The following LMO7 variants were observed in gnomAD, a reference collection of about 807,000 sequenced individuals.
LMO7 encodes LIM domain only protein 7.
LMO7 carries 120 observed loss-of-function variants against 206.5 expected under a neutral mutation model. The ratio of observed to expected loss-of-function variants is 0.58; its 90% CI spans 0.50 to 0.68. The LOEUF is 0.68. LMO7 is among the 30% of genes least tolerant of loss of function. The probability of loss-of-function intolerance (pLI) is 0.00; values close to 1 mark genes in which losing one functional copy is unlikely to be tolerated. For missense variants in LMO7, 1,959 were observed against 1,957.9 expected (o/e 1.00, Z -0.01); for synonymous variants, 706 against 681.5 (o/e 1.04, Z -0.56).
chr13:75,851,200 T>C (rs1480548099), intron 27 of LMO7, among the ~76,000 whole-genome samples: 8 of 152,220 alleles, frequency 5.3e-5, no homozygotes, highest in Admixed American at 5.2e-4. Context: ...TGGAGGCCAC[T>C]GAAGTACAGT....
At chr13:75,648,962 C>G (rs560908743) in intron 1 of LMO7, among the ~76,000 whole-genome samples, 3 of 152,110 alleles carry the variant, frequency 2.0e-5, no homozygotes, top group Admixed American at 1.3e-4. Flanking sequence ...ATGGGAAAAG[C>G]ATTTGGGAAC....
At chr13:75,669,280 C>T (rs1172864164) in intron 1 of LMO7, among the ~76,000 whole-genome samples, 1 of 152,116 alleles carries the variant, frequency 6.6e-6, no homozygotes, top group Non-Finnish European at 1.5e-5. Flanking sequence ...GGGGAGAAGT[C>T]TCATAGCATT....
At chr13:75,735,794 T>G (rs1025294558) in intron 3 of LMO7, among the ~76,000 whole-genome samples, 2 of 152,056 alleles carry the variant, frequency 1.3e-5, no homozygotes, top group South Asian at 4.1e-4. Flanking sequence ...TTCAGTTTAA[T>G]AAAACAAATA....
chr13:75,681,712 ATAT>A (rs2040507997), intron 1 of LMO7, among the ~76,000 whole-genome samples: 1 of 110,146 alleles, frequency 9.1e-6, no homozygotes, highest in Non-Finnish European at 2.0e-5. Flanking sequence ...ATGTGTATAT[ATAT>A]ATGTATATAT....
At chr13:75,835,673 A>G (rs1035890892) in intron 18 of LMO7, among the ~76,000 whole-genome samples, 4 of 152,158 alleles carry the variant, frequency 2.6e-5, no homozygotes, top group African/African-American at 7.2e-5. Flanking sequence ...ATTATAAACT[A>G]TAACTTCTTT....
chr13:75,795,329 G>A (rs1566475857), intron 4 of LMO7, 72 bp from the exon 5 acceptor site: 2 of 1,023,754 alleles, frequency 2.0e-6, no homozygotes, highest in Non-Finnish European at 2.9e-6. Flanking sequence ...ATAAAAATGA[G>A]TTTTTTTCTA....
intron 6 of LMO7, among the ~76,000 whole-genome samples, chr13:75,797,566 G>T (rs148303773): frequency 1.3e-5 from 2 of 152,286 alleles, no homozygotes; most frequent in African/African-American, 4.8e-5. Context: ...TTCTCTAATG[G>T]TTAAATGATA....
chr13:75,662,879 G>A (rs897783107), intron 1 of LMO7, among the ~76,000 whole-genome samples: 3 of 152,152 alleles, frequency 2.0e-5, no homozygotes, highest in African/African-American at 7.2e-5. Context: ...CATGTTGGTG[G>A]TTTAGGTCTT....
chr13:75,704,061 G>A (rs2042478718), intron 1 of LMO7, among the ~76,000 whole-genome samples: 3 of 152,132 alleles, frequency 2.0e-5, no homozygotes, highest in South Asian at 4.1e-4. Context: ...TATAATGGTT[G>A]TTTCGACAAT....
intron 3 of LMO7, among the ~76,000 whole-genome samples, chr13:75,727,958 T>C (rs892279753): frequency 6.6e-6 from 1 of 152,092 alleles, no homozygotes; most frequent in Non-Finnish European, 1.5e-5. Context: ...CATGAACGCA[T>C]CATTTTTTAT....
chr13:75,742,486 A>G (rs1300952815), intron 3 of LMO7, among the ~76,000 whole-genome samples: 5 of 152,210 alleles, frequency 3.3e-5, no homozygotes, highest in African/African-American at 9.6e-5. Flanking sequence ...CTACAGGGCT[A>G]TGGTAGCCAA....
chr13:75,849,088 A>C lies in LMO7; in HGVS notation c.4160A>C (p.Lys1387Thr), dbSNP rs1355809861. ...DYSTNKNGNN[K>T]YLDQIGNMTS... The stretch of plus-strand genomic sequence containing the variant: ...TTTGTTTTTAATTTAGGAAACAATA[A>C]ATATTTAGACCAAATTGGGAACATG... Residue 1387 changes from lysine (K) to threonine (T), a missense_variant, in exon 27 of 31, where the codon AAA (lysine) becomes ACA (threonine). Physicochemically the swap from Lys to Thr is moderately conservative, Grantham distance 78 (BLOSUM62 -1). Coordinates refer to ENST00000377534, the MANE Select transcript of LMO7 (RefSeq NM_001306080.2). The C allele has an allele frequency of 2.5e-6, 4 of 1,593,936 alleles. No individual in the cohort carries two copies. The South Asian group carries it at 3.3e-5, about 13-fold the overall frequency.
At chr13:75,661,916 G>C (rs1161831524) in intron 1 of LMO7, among the ~76,000 whole-genome samples, 7 of 152,028 alleles carry the variant, frequency 4.6e-5, no homozygotes, top group Admixed American at 4.6e-4. Context: ...CTGCTTTTCT[G>C]TTGCTAGCAA....
intron 2 of LMO7, among the ~76,000 whole-genome samples, chr13:75,725,373 C>T (rs950792820): frequency 2.0e-5 from 3 of 152,068 alleles, no homozygotes; most frequent in African/African-American, 4.8e-5. Flanking sequence ...TTTCAAAATA[C>T]ACGTTACTAT....
chr13:75,641,608 A>T (rs2036535630), intron 1 of LMO7, among the ~76,000 whole-genome samples: 2 of 152,142 alleles, frequency 1.3e-5, no homozygotes, highest in South Asian at 4.2e-4. Flanking sequence ...TTGAATGGCC[A>T]AGAAATGTCT....
At chr13:75,662,018 T>C (rs189244251) in intron 1 of LMO7, among the ~76,000 whole-genome samples, 12 of 152,314 alleles carry the variant, frequency 7.9e-5, no homozygotes, top group African/African-American at 2.9e-4. Flanking sequence ...TCTTTTGTAC[T>C]GTTAGGTAAA....
intron 3 of LMO7, among the ~76,000 whole-genome samples, chr13:75,744,090 A>T (rs2046637110): frequency 6.6e-6 from 1 of 152,170 alleles, no homozygotes; most frequent in Admixed American, 6.5e-5. Flanking sequence ...ATGGCATATA[A>T]ATAAGTTCAT....
At chr13:75,747,147 T>C (rs897572583) in intron 3 of LMO7, among the ~76,000 whole-genome samples, 3 of 152,122 alleles carry the variant, frequency 2.0e-5, no homozygotes, top group Admixed American at 6.5e-5. Flanking sequence ...AATGATATTT[T>C]AGTTGGAAAA....
At position 75,855,257 on chromosome 13, in the gene LMO7, T is replaced by C. The variant is rs773193457; in HGVS notation, c.4662-3T>C. ...CTCCATTCCATTCTTGTTCTGCATC[T>C]AGGTCAGTCAGTGGGAAGCGCATAT... is the stretch of plus-strand genomic sequence containing the variant. On this transcript the variant is annotated splice_region_variant and splice_polypyrimidine_tract_variant and intron_variant, in intron 28 of 30. Transcript: ENST00000377534. 2 of 1,602,342 alleles carry C rather than the reference T, an allele frequency of 1.2e-6. No individual in the cohort carries two copies. The highest frequency in any genetic ancestry group is 1.1e-5 in the South Asian group (1 of 90,754).
Sources: gnomAD v4.1 joint callset for allele counts (sites outside exome capture counted in the v4.1 genomes callset) on GRCh38, gnomAD v4.1.1 for gene constraint, MANE v1.5 for transcripts, NCBI Gene and HGNC (gene_info 2026-07-23, HGNC 2026-07-21) for gene names.